Variants in RAB44 observed in about 807,000 individuals in gnomAD.
The protein encoded by RAB44 is RAB44, member RAS oncogene family.
In RAB44, 67 loss-of-function variants were observed where a neutral mutation model predicts 93.3. The ratio of observed to expected loss-of-function variants is 0.72; its 90% CI spans 0.59 to 0.88. The LOEUF (loss-of-function observed/expected upper bound fraction) is 0.88, where lower values mean the gene tolerates loss of function less well. Ranked by LOEUF, RAB44 falls within the 40% of genes least tolerant of loss-of-function variation. RAB44 has a pLI of 0.00. For synonymous variants in RAB44, 427 were observed against 520.3 expected, an observed-to-expected ratio of 0.82 and a Z score of 2.44; for missense variants, 1,064 against 1,261.7, an observed-to-expected ratio of 0.84 and a Z score of 2.37.
At chr6:36,728,587 T>C (rs1763290219) in intron 11 of RAB44, 113 bp from the exon 12 acceptor site, 2 of 756,072 alleles carry the variant, frequency 2.6e-6, no homozygotes, top group Non-Finnish European at 4.6e-6. Flanking sequence ...ATGGAGTGGA[T>C]GTGGCCTGGG....
intron 3 of RAB44, among the ~76,000 whole-genome samples, chr6:36,714,685 C>A (rs960890104): frequency 1.3e-5 from 2 of 152,176 alleles, no homozygotes; most frequent in African/African-American, 4.8e-5. Flanking sequence ...GCCGGTGGGG[C>A]GCAGAGGGAG....
chr6:36,715,505 C>A lies in RAB44; in HGVS notation c.346C>A (p.Pro116Thr). The change falls in exon 4 of 14, where the codon CCC becomes ACC. Residue 116 changes from proline (P) to threonine (T), a missense_variant. Physicochemically the swap from Pro to Thr is conservative, Grantham distance 38. Coordinates refer to ENST00000612677, the MANE Select transcript of RAB44 (RefSeq NM_001257357.2). ...AAACATCTTTGGCTCCAGCCAGAGC[C>A]CCCACAGGCTCCGCAGAAGGAAGCC... Reference protein sequence around the residue: ...LKNIFGSSQSPHRLRRRKPLP... With the variant: ...LKNIFGSSQSTHRLRRRKPLP... 6.5e-7 allele frequency: 1 copy of A among 1,536,142 alleles called. No homozygotes were observed. Among genetic ancestry groups the A allele is most frequent in the Non-Finnish European group, 8.7e-7 (1 of 1,146,906 alleles).
In RAB44 at chr6:36,715,544, C is replaced by T. The variant is rs909371481; in HGVS notation, c.385C>T (p.Arg129Trp). 2.6e-5 allele frequency: 40 copies of T among 1,536,034 alleles called. No individual in the cohort carries two copies. The highest frequency in any genetic ancestry group is 7.3e-5 in the East Asian group (3 of 40,932). Residue 129 changes from arginine (R) to tryptophan (W), a missense_variant, in exon 4 of 14, where the codon CGG (arginine) becomes TGG (tryptophan). Transcript: ENST00000612677. The part of the protein sequence containing the change: ...LRRRKPLPSK[R>W]VSATTSFPAL... ...CAGAAGGAAGCCACTGCCCTCTAAGCGGGTATCTGCTACCACCAGCTTCCC... is the reference window on the plus strand; with the variant it reads ...CAGAAGGAAGCCACTGCCCTCTAAGTGGGTATCTGCTACCACCAGCTTCCC...
chr6:36,723,484 C>G (rs1193204432), intron 9 of RAB44, among the ~76,000 whole-genome samples: 1 of 152,048 alleles, frequency 6.6e-6, no homozygotes, highest in Non-Finnish European at 1.5e-5. Flanking sequence ...AAGCAGAGAG[C>G]CTTCCCTCCC....
intron 1 of RAB44, among the ~76,000 whole-genome samples, chr6:36,702,536 C>T (rs942528336): frequency 5.9e-5 from 9 of 152,226 alleles, no homozygotes; most frequent in African/African-American, 1.9e-4. Context: ...TCGGCCTCAA[C>T]AGAGAATGCC....
intron 1 of RAB44, among the ~76,000 whole-genome samples, chr6:36,698,422 CTCT>C (rs1161373240): frequency 6.6e-6 from 1 of 152,206 alleles, no homozygotes; most frequent in Non-Finnish European, 1.5e-5. Context: ...CCCCACCCCA[CTCT>C]TCTTCTCTGG....
intron 1 of RAB44, among the ~76,000 whole-genome samples, chr6:36,702,682 G>A (rs948951974): frequency 6.6e-6 from 1 of 152,262 alleles, no homozygotes; most frequent in African/African-American, 2.4e-5. Context: ...CTTGCAGGAA[G>A]CTGCCCTGTC....
intron 2 of RAB44, among the ~76,000 whole-genome samples, chr6:36,710,113 C>T (rs920955558): frequency 3.9e-5 from 6 of 152,296 alleles, no homozygotes; most frequent in Admixed American, 1.3e-4. Context: ...AGTACATTCA[C>T]GATGTTGTAC....
chr6:36,717,173 T>C lies in RAB44; in HGVS notation c.495-100T>C. On this transcript the variant is annotated intron_variant, in intron 4 of 13. Coordinates refer to ENST00000612677, the MANE Select transcript of RAB44 (RefSeq NM_001257357.2). The surrounding 1 kb of genome is among the most constrained non-coding windows in gnomAD (Gnocchi z 4.1). The stretch of plus-strand genomic sequence containing the variant: ...GATTTGGCCCAGGTGCCAAAGTCTC[T>C]TGGAGCGCTGCAGTGAAAACTGAGG... 8.6e-7 allele frequency: 1 copy of C among 1,157,212 alleles called. No individual in the cohort carries two copies. Among genetic ancestry groups the C allele is most frequent in the Non-Finnish European group, 1.1e-6 (1 of 920,666 alleles). 71.7% of individuals were successfully genotyped at this position (1,157,212 alleles called of 1,614,324 possible).
chr6:36,723,969 T>A (rs1763166985), intron 9 of RAB44, among the ~76,000 whole-genome samples: 1 of 149,864 alleles, frequency 6.7e-6, no homozygotes, highest in South Asian at 2.1e-4. Context: ...AGTCGGTAAA[T>A]GACAGCCCCC....
intron 1 of RAB44, among the ~76,000 whole-genome samples, chr6:36,702,036 G>A (rs186394223): frequency 4.6e-5 from 7 of 152,224 alleles, no homozygotes; most frequent in Admixed American, 6.5e-5. Flanking sequence ...GATAGAGGGT[G>A]GGAAGGGTTG....
At chr6:36,720,177 C>T (rs1562061966) in intron 7 of RAB44, among the ~76,000 whole-genome samples, 186 bp from the exon 8 acceptor site, 1 of 150,968 alleles carries the variant, frequency 6.6e-6, no homozygotes, top group African/African-American at 2.5e-5. Context: ...AGTGCCCCTC[C>T]TAGATAGGAG....
intron 6 of RAB44, 76 bp downstream of exon 6, chr6:36,718,194 C>A: frequency 9.8e-7 from 1 of 1,021,402 alleles, no homozygotes; most frequent in Non-Finnish European, 1.3e-6. Context: ...GGGCCAGTGA[C>A]TGGCCAGGGT....
chr6:36,727,096 C>CTTTTTCTTAAA (rs1763255648), intron 10 of RAB44, among the ~76,000 whole-genome samples: 1 of 152,094 alleles, frequency 6.6e-6, no homozygotes, highest in African/African-American at 2.4e-5. Flanking sequence ...CCACCGTGCC[C>CTTTTTCTTAAA]AGCCCGATAG....
At chr6:36,708,219 A>G (rs1762695901) in intron 2 of RAB44, among the ~76,000 whole-genome samples, 2 of 145,902 alleles carry the variant, frequency 1.4e-5, no homozygotes, top group South Asian at 2.2e-4. Context: ...CTCAAGAAAG[A>G]AAAAAAAAAA....
chr6:36,707,009 T>G (rs183403231), intron 2 of RAB44, among the ~76,000 whole-genome samples: 1 of 152,196 alleles, frequency 6.6e-6, no homozygotes, highest in Non-Finnish European at 1.5e-5. Context: ...ACTTGAAATG[T>G]TGAATATCAG....
intron 12 of RAB44, among the ~76,000 whole-genome samples, chr6:36,729,359 C>G (rs1387515525): frequency 6.6e-6 from 1 of 152,168 alleles, no homozygotes; most frequent in African/African-American, 2.4e-5. Flanking sequence ...CTCGCCCCAC[C>G]TCTCACACAA....
chr6:36,720,812 T>C (rs1467092047), intron 8 of RAB44, among the ~76,000 whole-genome samples: 2 of 152,084 alleles, frequency 1.3e-5, no homozygotes, highest in African/African-American at 4.8e-5. Flanking sequence ...TGTACACACA[T>C]ACACACACAC....
chr6:36,715,676 A>C, intron 4 of RAB44, 23 bp downstream of exon 4: 1 of 1,533,374 alleles, frequency 6.5e-7, no homozygotes, highest in Non-Finnish European at 8.7e-7. Context: ...CGGCATGTGC[A>C]TGGGGAGAGG....
Sources: gnomAD v4.1 joint callset for allele counts (sites outside exome capture counted in the v4.1 genomes callset) on GRCh38, gnomAD v4.1.1 for gene constraint, Gnocchi (gnomAD v3.1) non-coding constraint, MANE v1.5 for transcripts, NCBI Gene and HGNC (gene_info 2026-07-23, HGNC 2026-07-21) for gene names.